AUTS2: variants seen among roughly 807,000 people sequenced by gnomAD.
AUTS2 encodes the protein activator of transcription and developmental regulator AUTS2, also known as autism susceptibility gene 2 protein.
AUTS2 carries 17 observed loss-of-function variants against 112.4 expected under a neutral mutation model. The observed-to-expected ratio is 0.15, with a 90% confidence interval of 0.10 to 0.23. AUTS2 has a LOEUF of 0.23. AUTS2 is among the 10% of genes least tolerant of loss of function. The pLI, the probability that AUTS2 is intolerant of heterozygous loss-of-function variation, is 1.00. For synonymous variants in AUTS2, 751 were observed against 702.7 expected, an observed-to-expected ratio of 1.07 and a Z score of -1.09; for missense variants, 1,510 against 1,701.6, an observed-to-expected ratio of 0.89 and a Z score of 1.98.
chr7:70,583,684 T>TC (rs1290039982), intron 5 of AUTS2, among the ~76,000 whole-genome samples: 17 of 152,180 alleles, frequency 1.1e-4, no homozygotes, highest in Non-Finnish European at 1.5e-5. Context: ...AAGGCTGCCC[T>TC]CCAGGCACCA....
intron 2 of AUTS2, among the ~76,000 whole-genome samples, chr7:69,901,106 A>G (rs934509373): frequency 3.3e-5 from 5 of 152,060 alleles, no homozygotes; most frequent in Non-Finnish European, 7.4e-5. Flanking sequence ...TATTTAGATG[A>G]AGTTTTATTT....
At chr7:70,294,271 A>G (rs1022162698) in intron 4 of AUTS2, 3 of 152,216 alleles carry the variant, frequency 2.0e-5, no homozygotes, top group Non-Finnish European at 4.4e-5. Context: ...CTGTTTAGGA[A>G]TAAGTTGCAC....
rs10677736 is a variant in AUTS2, at chr7:69,926,445, G to GTCTATCTATCTATCTA, written c.522+26979_522+26994dup. ...CTGAAATCTATCTGTCTGTCTGTCT[G>GTCTATCTATCTATCTA]TCTATCTATCTATCTATCTATCTAT... On this transcript the variant is annotated intron_variant, in intron 2 of 18. Transcript: ENST00000342771. 4.2e-3 allele frequency among the ~76,000 whole-genome samples: 513 copies of GTCTATCTATCTATCTA among 123,198 alleles called. 1 individual carries two copies. Among genetic ancestry groups the GTCTATCTATCTATCTA allele is most frequent in the Middle Eastern group, 8.1e-3 (2 of 246 alleles). The allele number at this position is 123,198 out of a possible 152,430, so 80.8% of individuals were successfully genotyped here.
intron 1 of AUTS2, among the ~76,000 whole-genome samples, chr7:69,671,126 A>G (rs1796301445): frequency 6.6e-6 from 1 of 152,198 alleles, no homozygotes; most frequent in African/African-American, 2.4e-5. Context: ...ACTCTAGAGT[A>G]TAACTAAGCA....
At chr7:69,684,670 A>T (rs1796979875) in intron 1 of AUTS2, among the ~76,000 whole-genome samples, 1 of 152,206 alleles carries the variant, frequency 6.6e-6, no homozygotes, top group African/African-American at 2.4e-5. Context: ...GAAAAATAAT[A>T]GCAAATGGGA....
intron 2 of AUTS2, among the ~76,000 whole-genome samples, chr7:70,081,048 T>G (rs1435019788): frequency 6.6e-6 from 1 of 152,114 alleles, no homozygotes. Flanking sequence ...AGCTAATGCG[T>G]GAGGATTTAT....
At chr7:70,236,964 C>T (rs1001526796) in intron 4 of AUTS2, among the ~76,000 whole-genome samples, 1 of 152,126 alleles carries the variant, frequency 6.6e-6, no homozygotes, top group African/African-American at 2.4e-5. Flanking sequence ...TTACTGCCTT[C>T]GTAAAGTAAG....
intron 2 of AUTS2, among the ~76,000 whole-genome samples, chr7:70,014,342 A>G (rs1446079945): frequency 6.6e-6 from 1 of 152,206 alleles, no homozygotes; most frequent in African/African-American, 2.4e-5. Context: ...AGGCCAAACC[A>G]TGCCATTGTC....
At chr7:69,967,758 T>C (rs544031658) in intron 2 of AUTS2, among the ~76,000 whole-genome samples, 1 of 152,246 alleles carries the variant, frequency 6.6e-6, no homozygotes, top group African/African-American at 2.4e-5. Context: ...GGTGAGACAA[T>C]GATCAAGTCA....
At chr7:70,448,236 C>T (rs1417674097) in intron 5 of AUTS2, among the ~76,000 whole-genome samples, 1 of 152,150 alleles carries the variant, frequency 6.6e-6, no homozygotes, top group Non-Finnish European at 1.5e-5. Context: ...GTTACCCCTC[C>T]TGGACAGAAT....
At chr7:70,687,896 T>G (rs1263681354) in intron 5 of AUTS2, among the ~76,000 whole-genome samples, 1 of 152,038 alleles carries the variant, frequency 6.6e-6, no homozygotes, top group African/African-American at 2.4e-5. Flanking sequence ...ACAGAAGAAA[T>G]CCCTGGGAAC....
At chr7:70,585,477 C>A (rs1464667758) in intron 5 of AUTS2, among the ~76,000 whole-genome samples, 1 of 152,170 alleles carries the variant, frequency 6.6e-6, no homozygotes, top group Non-Finnish European at 1.5e-5. Flanking sequence ...CCAAAAGAGG[C>A]ACAAACAAAT....
intron 5 of AUTS2, among the ~76,000 whole-genome samples, chr7:70,470,510 A>G (rs536588316): frequency 6.6e-6 from 1 of 152,356 alleles, no homozygotes; most frequent in South Asian, 2.1e-4. Flanking sequence ...TTTCTTTTCC[A>G]TATATAAAAT....
chr7:69,679,478 T>C (rs957740910), intron 1 of AUTS2, among the ~76,000 whole-genome samples: 4 of 152,246 alleles, frequency 2.6e-5, no homozygotes, highest in African/African-American at 9.6e-5. Flanking sequence ...TTCAGTAAAC[T>C]TAGCTATTGC....
chr7:70,082,091 G>T (rs1230220408), intron 2 of AUTS2, among the ~76,000 whole-genome samples: 1 of 151,906 alleles, frequency 6.6e-6, no homozygotes, highest in African/African-American at 2.4e-5. Context: ...TTTGAAAGGG[G>T]ACATATTATG....
intron 4 of AUTS2, among the ~76,000 whole-genome samples, chr7:70,348,001 A>C (rs551175392): frequency 2.0e-5 from 3 of 152,278 alleles, no homozygotes; most frequent in Admixed American, 2.0e-4. Flanking sequence ...AATATGAAAC[A>C]TGAATAATGA....
intron 1 of AUTS2, among the ~76,000 whole-genome samples, chr7:69,728,217 C>A (rs1786611136): frequency 1.3e-5 from 2 of 152,174 alleles, no homozygotes; most frequent in Admixed American, 1.3e-4. Flanking sequence ...GTTCCCTCTC[C>A]CTGGGGCACA....
rs138671915 is a variant in AUTS2 at position 69,759,713 on chromosome 7, A to G, written c.310-139573A>G. 9.3e-4 allele frequency among the ~76,000 whole-genome samples: 132 copies of G among 141,200 alleles called. 2 individuals carry two copies. In the East Asian group the frequency reaches 0.026, roughly 27 times the overall value. 92.6% of individuals were successfully genotyped at this position (141,200 alleles called of 152,430 possible). On this transcript the variant is annotated intron_variant, in intron 1 of 18. Transcript: ENST00000342771. ...CTTCTTTTTGTGACTGTATTATATAATATAGCTTTCATAGCCCCCACTTTA... is the reference window on the plus strand; with the variant it reads ...CTTCTTTTTGTGACTGTATTATATAGTATAGCTTTCATAGCCCCCACTTTA...
intron 5 of AUTS2, among the ~76,000 whole-genome samples, chr7:70,512,134 T>C (rs1052550000): frequency 6.6e-6 from 1 of 152,224 alleles, no homozygotes; most frequent in Admixed American, 6.5e-5. Context: ...GGTCCCCACG[T>C]TGATCTCAGC....
Sources: gnomAD v4.1 joint callset for allele counts (sites outside exome capture counted in the v4.1 genomes callset) on GRCh38, gnomAD v4.1.1 for gene constraint, MANE v1.5 for transcripts, NCBI Gene and HGNC (gene_info 2026-07-23, HGNC 2026-07-21) for gene names.